DCAF11: variants seen among roughly 807,000 people sequenced by gnomAD.
DCAF11 encodes DDB1- and CUL4-associated factor 11.
In DCAF11, 44 loss-of-function variants were observed where a neutral mutation model predicts 76.1. The observed-to-expected ratio is 0.58, with a 90% confidence interval of 0.45 to 0.74. DCAF11 has a LOEUF of 0.74. Among genes scored for constraint, DCAF11 ranks in the 30% least tolerant of loss-of-function variants. The pLI is 0.00. For synonymous variants in DCAF11, 258 were observed against 255.0 expected, an observed-to-expected ratio of 1.01 and a Z score of -0.11; for missense variants, 604 against 709.4, an observed-to-expected ratio of 0.85 and a Z score of 1.69.
intron 11 of DCAF11, 48 bp from the exon 12 acceptor site, chr14:24,120,790 C>T (rs755938440): frequency 1.0e-5 from 16 of 1,602,974 alleles, no homozygotes; most frequent in East Asian, 2.2e-5. Context: ...TGACAGGCGC[C>T]GACATTTGCA....
At chr14:24,119,500 T>C (rs1394882220) in intron 9 of DCAF11, 59 bp from the exon 10 acceptor site, 17 of 1,596,594 alleles carry the variant, frequency 1.1e-5, no homozygotes, top group East Asian at 6.7e-5. Context: ...CTAGAGCATA[T>C]ACCACGTTGG....
At chr14:24,122,041 C>T (rs993220996) in intron 13 of DCAF11, 5 of 153,518 alleles carry the variant, frequency 3.3e-5, no homozygotes, top group African/African-American at 1.2e-4. Context: ...TGGCACAGGC[C>T]TGTAGTCCCA....
rs548745269 is a variant in DCAF11, at chr14:24,119,089, G to A, written c.780-56G>A. On this transcript the variant is annotated intron_variant, in intron 8 of 14. Transcript: ENST00000446197. ...CCTTACAACCGTTGTCAGATTTTAT[G>A]TAGATTAACAAAAGCTGAAGGAAGT... 20 of 1,606,286 alleles carry A rather than the reference G, an allele frequency of 1.2e-5. No homozygotes were observed. The East Asian group carries it at 3.3e-4, about 27-fold the overall frequency.
rs200456732 is a variant in DCAF11, at chr14:24,123,258, C to A, written c.1590C>A (p.Ser530Arg). ...DDMPESEECA[S>R]APAPVPQSST... ...TGCCAGAATCTGAGGAATGTGCCAG[C>A]GCCCCTGCCCCAGTGCCCCAATCCT... The change falls in exon 15 of 15, where the codon AGC becomes AGA. Residue 530 changes from serine to arginine, a missense_variant. Coordinates refer to ENST00000446197, the MANE Select transcript of DCAF11 (RefSeq NM_025230.5). 23 of 1,562,086 alleles carry A rather than the reference C, an allele frequency of 1.5e-5. No homozygotes were observed. In the African/African-American group the frequency reaches 3.1e-4, roughly 21 times the overall value.
rs949675871 is a variant in DCAF11, at chr14:24,119,830, G to C, written c.1026G>C (p.Glu342Asp). Reference sequence around the variant, plus strand: ...TGTGGGATCGACGCACCATGCGGGAGGATGACCCCAAGCCTGTGGGTGCAC... The same window carrying C: ...TGTGGGATCGACGCACCATGCGGGACGATGACCCCAAGCCTGTGGGTGCAC... The part of the protein sequence containing the change: ...CKVWDRRTMR[E>D]DDPKPVGALA... The change falls in exon 11 of 15, where the codon GAG becomes GAC. Residue 342 changes from glutamate (E) to aspartate (D), a missense_variant. By Grantham distance (45) the Glu-to-Asp change is conservative. Coordinates refer to ENST00000446197, the MANE Select transcript of DCAF11 (RefSeq NM_025230.5). The C allele has an allele frequency of 6.2e-7, 1 of 1,614,200 alleles. No individual in the cohort carries two copies.
At position 24,120,888 on chromosome 14, in the gene DCAF11, C is replaced by T. The variant is rs1193905617; in HGVS notation, c.1143C>T (p.Leu381=). Residue 381 remains leucine, a synonymous_variant, in exon 12 of 15, where the codon CTC becomes CTT. Coordinates refer to ENST00000446197, the MANE Select transcript of DCAF11 (RefSeq NM_025230.5). ...ISNSKDQTIK[L]WDIRRFSSRE... is the part of the protein sequence containing the mutation. ...ACTCTAAAGACCAGACCATCAAACTCTGGGATATCCGACGCTTTTCCAGCC... is the reference window on the plus strand; with the variant it reads ...ACTCTAAAGACCAGACCATCAAACTTTGGGATATCCGACGCTTTTCCAGCC... The T allele has an allele frequency of 1.2e-6, 2 of 1,614,088 alleles. No individual in the cohort carries two copies. Among genetic ancestry groups the T allele is most frequent in the Non-Finnish European group, 1.7e-6 (2 of 1,180,054 alleles).
intron 7 of DCAF11, 34 bp downstream of exon 7, chr14:24,118,568 G>T: frequency 1.2e-6 from 2 of 1,608,262 alleles, no homozygotes; most frequent in Non-Finnish European, 8.5e-7. Flanking sequence ...TGACTCTCCA[G>T]CCTGGGACCT....
rs369695267 is a variant in DCAF11, at chr14:24,115,402, C to T, written c.-193C>T. On this transcript the variant is annotated 5_prime_UTR_variant, in exon 2 of 15. Transcript: ENST00000446197. ...CACAGGATTGGAGAAGGTTTGTGTT[C>T]CCGACGCCTTGGTAGTTGGCATAGG... 1.8e-5 allele frequency: 12 copies of T among 656,620 alleles called. No individual in the cohort carries two copies. The highest frequency in any genetic ancestry group is 1.7e-4 in the South Asian group (6 of 35,758). The allele number at this position is 656,620 out of a possible 1,614,324, so 40.7% of individuals were successfully genotyped here.
intron 8 of DCAF11, 22 bp from the exon 9 acceptor site, chr14:24,119,123 C>G: frequency 6.2e-7 from 1 of 1,614,192 alleles, no homozygotes; most frequent in South Asian, 1.1e-5. Context: ...GTCCACTTAA[C>G]CCAGCTCCTT....
At chr14:24,118,993 T>A in intron 8 of DCAF11, 152 bp from the exon 9 acceptor site, 1 of 1,177,836 alleles carries the variant, frequency 8.5e-7, no homozygotes, top group Admixed American at 1.9e-5. Flanking sequence ...GCAGGATGAT[T>A]TCTGGGTTCT....
At chr14:24,122,249 G>T (rs1407534630) in intron 13 of DCAF11, 1 of 152,084 alleles carries the variant, frequency 6.6e-6, no homozygotes, top group Non-Finnish European at 1.5e-5. Flanking sequence ...CTGATGTCAG[G>T]GGTTTGAGAC....
intron 8 of DCAF11, 47 bp downstream of exon 8, chr14:24,118,851 G>A: frequency 2.5e-6 from 4 of 1,602,364 alleles, no homozygotes; most frequent in Non-Finnish European, 2.6e-6. Context: ...CTTCTCAAGG[G>A]AAGCTCTTTG....
At position 24,114,962 on chromosome 14, in the gene DCAF11, A is replaced by G. The variant is rs915890363; in HGVS notation, c.-545A>G. The G allele has an allele frequency of 6.1e-6, 6 of 985,894 alleles. No homozygotes were observed. The African/African-American group carries it at 1.0e-4, about 17-fold the overall frequency. The allele number at this position is 985,894 out of a possible 1,614,324, so 61.1% of individuals were successfully genotyped here. On this transcript the variant is annotated 5_prime_UTR_variant, in exon 1 of 15. Transcript: ENST00000446197. The stretch of plus-strand genomic sequence containing the variant: ...GCGTGGGGCGGTTACCGCCGGCTTC[A>G]GTGGGAGGTGCTTCTCGGCTTCCTC...
In DCAF11 at chr14:24,123,076, C is replaced by T; in HGVS notation, c.1505C>T (p.Ser502Leu). 16 of 1,614,052 alleles carry T rather than the reference C, an allele frequency of 9.9e-6. No individual in the cohort carries two copies. The highest frequency in any genetic ancestry group is 1.3e-5 in the Non-Finnish European group (15 of 1,180,024). ...TTTGAAGAGAAGATTGTCAGCAGTT[C>T]GGTGAGGTTGCAAGGGTTGAGGGTG... ...HPFEEKIVSSSWDGNLRLWQY... is the reference protein window; with the variant it reads ...HPFEEKIVSSLWDGNLRLWQY... Residue 502 changes from serine to leucine, a missense_variant and splice_region_variant, in exon 14 of 15, where the codon TCG becomes TTG. Coordinates refer to ENST00000446197, the MANE Select transcript of DCAF11 (RefSeq NM_025230.5).
At chr14:24,118,344 C>T (rs140411068) in intron 6 of DCAF11, 44 bp from the exon 7 acceptor site, 2 of 1,610,678 alleles carry the variant, frequency 1.2e-6, no homozygotes, top group Non-Finnish European at 1.7e-6. Context: ...AGAAAAGTTA[C>T]AAGGAAACTG....
chr14:24,118,717 C>T, intron 7 of DCAF11, 33 bp from the exon 8 acceptor site: 1 of 1,612,714 alleles, frequency 6.2e-7, no homozygotes, highest in South Asian at 1.1e-5. Flanking sequence ...TCCCCCATCC[C>T]TGAAAGATTC....
In DCAF11 at chr14:24,124,382, T is replaced by G. The variant is rs912688849; in HGVS notation, c.*1073T>G. 4.6e-5 allele frequency: 7 copies of G among 152,244 alleles called. No individual in the cohort carries two copies. Among genetic ancestry groups the G allele is most frequent in the Non-Finnish European group, 1.0e-4 (7 of 68,078 alleles). The allele number at this position is 152,244 out of a possible 1,614,324, so 9.4% of individuals were successfully genotyped here. A position where few individuals can be genotyped will look rare whatever the true frequency, so the allele number is the denominator to read the frequency against. On this transcript the variant is annotated 3_prime_UTR_variant, in exon 15 of 15. Coordinates refer to ENST00000446197, the MANE Select transcript of DCAF11 (RefSeq NM_025230.5). ...GAACGCAGAGCCTAAGAGAAGCAAG[T>G]CGGCCCTGACGCCAGGCCCCAGTGG... is the stretch of plus-strand genomic sequence containing the variant.
At chr14:24,121,193 C>A (rs1051532403) in intron 12 of DCAF11, among the ~76,000 whole-genome samples, 172 bp from the exon 13 acceptor site, 17 of 152,158 alleles carry the variant, frequency 1.1e-4, no homozygotes, top group Non-Finnish European at 1.5e-5. Context: ...AATGATTAAC[C>A]GGCAGGGCCA....
intron 2 of DCAF11, among the ~76,000 whole-genome samples, chr14:24,116,431 G>A (rs2037567925): frequency 6.6e-6 from 1 of 152,184 alleles, no homozygotes; most frequent in South Asian, 2.1e-4. Context: ...GTGTGATCAA[G>A]TGCACACCAC....
Sources: gnomAD v4.1 joint callset for allele counts (sites outside exome capture counted in the v4.1 genomes callset) on GRCh38, gnomAD v4.1.1 for gene constraint, MANE v1.5 for transcripts, NCBI Gene and HGNC (gene_info 2026-07-23, HGNC 2026-07-21) for gene names.